The following ITGA4 variants were observed in gnomAD, a reference collection of about 807,000 sequenced individuals.
ITGA4 encodes integrin alpha-4.
ITGA4 carries 63 observed loss-of-function variants against 133.6 expected under a neutral mutation model. The observed-to-expected ratio is 0.47, with a 90% CI of 0.38 to 0.58. The LOEUF is 0.58. Ranked by LOEUF, ITGA4 falls within the 20% of genes least tolerant of loss-of-function variation. The probability of loss-of-function intolerance (pLI) is 0.00; values close to 1 mark genes in which losing one functional copy is unlikely to be tolerated. For synonymous variants in ITGA4, 483 were observed against 438.0 expected, an observed-to-expected ratio of 1.10 and a Z score of -1.28; for missense variants, 1,076 against 1,252.7, an observed-to-expected ratio of 0.86 and a Z score of 2.13.
Position 181,538,799 on chromosome 2 carries a change from C to T in ITGA4, c.*3272C>T, listed in dbSNP as rs945644004. Among the ~76,000 whole-genome samples, 88 of 152,130 alleles carry T rather than the reference C, an allele frequency of 5.8e-4. No homozygotes were observed. The highest frequency in any genetic ancestry group is 2.0e-3 in the African/African-American group (85 of 41,506). On this transcript the variant is annotated 3_prime_UTR_variant, in exon 28 of 28. Transcript: ENST00000397033. The stretch of plus-strand genomic sequence containing the variant: ...AGATCTTGATCCATTTTTAAAAATC[C>T]AAAATGGAAGTTGTAGACATTATCT...
Position 181,533,703 on chromosome 2 carries a change from CA to C in ITGA4, c.2785-567del, listed in dbSNP as rs576393965. Reference sequence around the variant, plus strand: ...TCTAAAATGTTAAATAACATTTACACAATAGTTTTAAAGGTCATATCCCTCT... The same window carrying C: ...TCTAAAATGTTAAATAACATTTACACATAGTTTTAAAGGTCATATCCCTCT... On this transcript the variant is annotated intron_variant, in intron 25 of 27. Transcript: ENST00000397033. Among the ~76,000 whole-genome samples the C allele has an allele frequency of 2.4e-4, 36 of 152,222 alleles. 1 individual carries two copies. The South Asian group carries it at 3.5e-3, about 15-fold the overall frequency.
At chr2:181,479,229 A>T (rs1685747557) in intron 5 of ITGA4, 1 of 152,868 alleles carries the variant, frequency 6.5e-6, no homozygotes, top group Non-Finnish European at 1.5e-5. Context: ...TAATTGGGAA[A>T]TTTAAGAATT....
chr2:181,494,866 A>G, intron 12 of ITGA4, 54 bp downstream of exon 12: 1 of 912,386 alleles, frequency 1.1e-6, no homozygotes, highest in East Asian at 2.4e-5. Context: ...TATCATAGAT[A>G]CTGCTTTATA....
intron 20 of ITGA4, 143 bp from the exon 21 acceptor site, chr2:181,525,059 T>C: frequency 2.4e-6 from 1 of 421,508 alleles, no homozygotes; most frequent in Middle Eastern, 6.0e-4. Context: ...AAATTTTTAC[T>C]ACCATATCTA....
intron 9 of ITGA4, among the ~76,000 whole-genome samples, chr2:181,484,764 A>G (rs1369589975): frequency 6.6e-6 from 1 of 152,220 alleles, no homozygotes; most frequent in East Asian, 1.9e-4. Context: ...ATGGCACATT[A>G]TAAGTACATA....
Position 181,475,018 on chromosome 2 carries a change from G to A in ITGA4, c.378G>A (p.Trp126Ter). The A allele has an allele frequency of 6.2e-7, 1 of 1,614,062 alleles. No homozygotes were observed. The highest frequency in any genetic ancestry group is 8.5e-7 in the Non-Finnish European group (1 of 1,179,964). ...GTTTGGAAGAGAGAGACAATCAGTG[G>A]TTGGGGGTCACACTTTCCAGACAGC... ...KTCLEERDNQ[W>*]LGVTLSRQPG... The change falls in exon 3 of 28, where the codon TGG becomes TGA. Residue 126 changes from tryptophan to a stop codon, truncating the protein, a stop_gained. Coordinates refer to ENST00000397033, the MANE Select transcript of ITGA4 (RefSeq NM_000885.6). LOFTEE classifies it high-confidence loss of function.
intron 15 of ITGA4, among the ~76,000 whole-genome samples, chr2:181,502,990 A>G (rs1686311987): frequency 6.6e-6 from 1 of 152,046 alleles, no homozygotes; most frequent in Non-Finnish European, 1.5e-5. Flanking sequence ...GGGAGGGGGC[A>G]CACCAAGACG....
chr2:181,528,852 T>G (rs1686885672), intron 22 of ITGA4, among the ~76,000 whole-genome samples: 1 of 152,198 alleles, frequency 6.6e-6, no homozygotes, highest in African/African-American at 2.4e-5. Flanking sequence ...TGGCCCCATT[T>G]CCCTTTTCAG....
intron 10 of ITGA4, among the ~76,000 whole-genome samples, chr2:181,492,831 T>A (rs1686079376): frequency 6.6e-6 from 1 of 152,238 alleles, no homozygotes; most frequent in Admixed American, 6.5e-5. Flanking sequence ...ATAAGGTAAG[T>A]CTAGACTCCC....
rs1272704104 is a variant in ITGA4 at position 181,537,126 on chromosome 2, A to AAAAACTTT, written c.*1600_*1607dup. On this transcript the variant is annotated 3_prime_UTR_variant, in exon 28 of 28. Coordinates refer to ENST00000397033, the MANE Select transcript of ITGA4 (RefSeq NM_000885.6). ...ACTTTATGACATTTATGTATTTTTAAAAAACTTTGTATCGTTATAAAAAGG... is the reference window on the plus strand; with the variant it reads ...ACTTTATGACATTTATGTATTTTTAAAAAACTTTAAAACTTTGTATCGTTATAAAAAGG... The AAAAACTTT allele has an allele frequency of 2.2e-6, 1 of 453,008 alleles. No homozygotes were observed. The highest frequency in any genetic ancestry group is 4.4e-6 in the Non-Finnish European group (1 of 226,538). 28.1% of individuals were successfully genotyped at this position (453,008 alleles called of 1,614,324 possible).
At chr2:181,467,780 G>A (rs1685455824) in intron 2 of ITGA4, among the ~76,000 whole-genome samples, 1 of 152,190 alleles carries the variant, frequency 6.6e-6, no homozygotes, top group East Asian at 1.9e-4. Context: ...ATAACTTAGA[G>A]ATCAAAGATG....
chr2:181,522,427 AT>A (rs1395406981), intron 18 of ITGA4, 86 bp downstream of exon 18: 5 of 915,082 alleles, frequency 5.5e-6, no homozygotes. Flanking sequence ...CACTTCACTG[AT>A]TTGGGGTATA....
Position 181,464,271 on chromosome 2 carries a change from G to A in ITGA4, c.319+5954G>A, listed in dbSNP as rs182912894. 1.7e-3 allele frequency among the ~76,000 whole-genome samples: 260 copies of A among 152,226 alleles called. 2 individuals carry two copies. The highest frequency in any genetic ancestry group is 3.2e-3 in the Admixed American group (49 of 15,282). ...AGGTCTCATTAGATTTAGAGAATTA[G>A]TTCATTAGTAACCTCGGTAAGACAA... On this transcript the variant is annotated intron_variant, in intron 2 of 27. Transcript: ENST00000397033.
rs1022335733 is a variant in ITGA4 at position 181,485,602 on chromosome 2, T to C, written c.1042-279T>C. ...TAGTAGAGGCTCAATAAATATTTGC[T>C]AAATTGAATTATCAAAATGATTTAT... On this transcript the variant is annotated intron_variant, in intron 9 of 27. Transcript: ENST00000397033. 7.2e-5 allele frequency among the ~76,000 whole-genome samples: 11 copies of C among 152,344 alleles called. No homozygotes were observed. In the South Asian group the frequency reaches 2.1e-3, roughly 29 times the overall value.
At chr2:181,467,391 A>T (rs1325553653) in intron 2 of ITGA4, among the ~76,000 whole-genome samples, 2 of 152,196 alleles carry the variant, frequency 1.3e-5, no homozygotes, top group African/African-American at 4.8e-5. Context: ...GGGAAGTGAC[A>T]GTACGATGAC....
chr2:181,482,174 C>T (rs115341463), intron 7 of ITGA4, among the ~76,000 whole-genome samples, 186 bp from the exon 8 acceptor site: 221 of 152,256 alleles, frequency 1.5e-3, no homozygotes, highest in African/African-American at 4.9e-3. Flanking sequence ...AATACTTTTG[C>T]AAGTAAGGCA....
At chr2:181,493,079 C>T in intron 10 of ITGA4, 1 of 360,936 alleles carries the variant, frequency 2.8e-6, no homozygotes, top group Non-Finnish European at 5.0e-6. Flanking sequence ...AGAGCCCGCG[C>T]TCTAATCATT....
chr2:181,517,768 G>T (rs1686636256), intron 17 of ITGA4, among the ~76,000 whole-genome samples: 1 of 152,046 alleles, frequency 6.6e-6, no homozygotes, highest in Non-Finnish European at 1.5e-5. Context: ...AATAAACCAG[G>T]AGTCTAGCTG....
chr2:181,492,058 T>C (rs541959011), intron 10 of ITGA4, among the ~76,000 whole-genome samples: 16 of 152,356 alleles, frequency 1.1e-4, no homozygotes, highest in South Asian at 1.0e-3. Context: ...AGTCTATTCT[T>C]ACTTGCCATT....
Sources: gnomAD v4.1 joint callset for allele counts (sites outside exome capture counted in the v4.1 genomes callset) on GRCh38, gnomAD v4.1.1 for gene constraint, MANE v1.5 for transcripts, NCBI Gene and HGNC (gene_info 2026-07-23, HGNC 2026-07-21) for gene names.